PPP1R15B: variants seen among roughly 807,000 people sequenced by gnomAD.
PPP1R15B encodes the protein protein phosphatase 1 regulatory subunit 15B, also known as protein phosphatase 1, regulatory (inhibitor) subunit 15B.
PPP1R15B carries 31 observed loss-of-function variants against 53.9 expected under a neutral mutation model. The observed-to-expected ratio is 0.58, with a 90% CI of 0.43 to 0.78. The LOEUF (loss-of-function observed/expected upper bound fraction) is 0.78, where lower values mean the gene tolerates loss of function less well. PPP1R15B is among the 30% of genes least tolerant of loss of function. The probability of loss-of-function intolerance (pLI) is 0.00; values close to 1 mark genes in which losing one functional copy is unlikely to be tolerated. For synonymous variants in PPP1R15B, 345 were observed against 329.1 expected (o/e 1.05, Z -0.52); for missense variants, 928 against 849.6 (o/e 1.09, Z -1.15).
rs1674232204 is a variant in PPP1R15B, at chr1:204,404,513, A to G, written c.*1579T>C. The G allele has an allele frequency of 2.0e-6, 2 of 985,164 alleles. No homozygotes were observed. Among genetic ancestry groups the G allele is most frequent in the Non-Finnish European group, 2.4e-6 (2 of 829,420 alleles). The allele number at this position is 985,164 out of a possible 1,614,324, so 61.0% of individuals were successfully genotyped here. On this transcript the variant is annotated 3_prime_UTR_variant, in exon 2 of 2. Coordinates refer to ENST00000367188, the MANE Select transcript of PPP1R15B (RefSeq NM_032833.5). ...AAAAAAAGAAAAAAACAAAAAACACACAGAATAAGGGCTCTGCAAAAATTT... is the reference window on the plus strand; with the variant it reads ...AAAAAAAGAAAAAAACAAAAAACACGCAGAATAAGGGCTCTGCAAAAATTT...
chr1:204,409,470 T>C (rs775387468), intron 1 of PPP1R15B, 22 bp downstream of exon 1: 4 of 1,590,542 alleles, frequency 2.5e-6, no homozygotes, highest in Non-Finnish European at 3.4e-6. Context: ...ATATCAGGCA[T>C]GTTAAAAGAC....
downstream of PPP1R15B, among the ~76,000 whole-genome samples, chr1:204,396,645 C>T (rs1051518669): frequency 1.3e-5 from 2 of 151,788 alleles, no homozygotes; most frequent in Non-Finnish European, 2.9e-5. Context: ...CATAAGGGAA[C>T]TTTCTGGGTG....
chr1:204,400,211 C>T (rs372006482), downstream of PPP1R15B, among the ~76,000 whole-genome samples: 3 of 146,106 alleles, frequency 2.1e-5, no homozygotes, highest in Non-Finnish European at 4.5e-5. Flanking sequence ...TACTTCAGAG[C>T]CTGGGTGACA....
rs1484883954 is a variant in PPP1R15B at position 204,406,049 on chromosome 1, G to A, written c.*43C>T. ...ATTTGTTTTTAAAAGACACCTCTCA[G>A]GTAAGAGGTAGTGTATGCTAGCTAG... On this transcript the variant is annotated 3_prime_UTR_variant, in exon 2 of 2. Transcript: ENST00000367188. 3 of 1,597,396 alleles carry A rather than the reference G, an allele frequency of 1.9e-6. No individual in the cohort carries two copies. The highest frequency in any genetic ancestry group is 2.6e-6 in the Non-Finnish European group (3 of 1,168,938).
chr1:204,402,681 C>T (rs917289421), downstream of PPP1R15B, among the ~76,000 whole-genome samples: 1 of 151,940 alleles, frequency 6.6e-6, no homozygotes, highest in African/African-American at 2.4e-5. Context: ...CTCAGCCTCC[C>T]GAAGTGCTGG....
downstream of PPP1R15B, among the ~76,000 whole-genome samples, chr1:204,399,740 T>A (rs959618246): frequency 3.3e-5 from 5 of 151,898 alleles, no homozygotes; most frequent in South Asian, 1.0e-3. Context: ...AGAGTGAACA[T>A]AATTTTAAAA....
At chr1:204,409,083 C>T (rs1572255707) in intron 1 of PPP1R15B, among the ~76,000 whole-genome samples, 1 of 152,156 alleles carries the variant, frequency 6.6e-6, no homozygotes, top group East Asian at 1.9e-4. Context: ...TATTTGCAGA[C>T]AACATACATT....
At chr1:204,409,342 T>A in intron 1 of PPP1R15B, 150 bp downstream of exon 1, 1 of 832,284 alleles carries the variant, frequency 1.2e-6, no homozygotes, top group South Asian at 1.8e-5. Context: ...AGGAGAAGGG[T>A]CATTTACATA....
In PPP1R15B at chr1:204,409,877, T is replaced by C. The variant is rs1674332043; in HGVS notation, c.1535A>G (p.Lys512Arg). The change falls in exon 1 of 2, where the codon AAG becomes AGG. Residue 512 changes from lysine (K) to arginine (R), a missense_variant. By Grantham distance (26) the Lys-to-Arg change is conservative. Transcript: ENST00000367188. ...IVPEEPSDSE[K>R]DLSGKSDLEN... ...TAGATCAGACTTGCCAGACAAATCCTTCTCTGAATCAGAAGGCTCTTCAGG... is the reference window on the plus strand; with the variant it reads ...TAGATCAGACTTGCCAGACAAATCCCTCTCTGAATCAGAAGGCTCTTCAGG... 1 of 1,614,002 alleles carries C rather than the reference T, an allele frequency of 6.2e-7. No individual in the cohort carries two copies. The highest frequency in any genetic ancestry group is 8.5e-7 in the Non-Finnish European group (1 of 1,180,006).
downstream of PPP1R15B, among the ~76,000 whole-genome samples, chr1:204,396,621 C>T (rs7530308): frequency 0.16 from 24,666 of 151,048 alleles, 2,866 homozygotes; most frequent in African/African-American, 0.33. Context: ...GGAAGGGGAC[C>T]GAATACAAAA....
downstream of PPP1R15B, chr1:204,400,624 C>G (rs1674165877): frequency 2.3e-6 from 1 of 428,052 alleles, no homozygotes; most frequent in Admixed American, 6.4e-5. Flanking sequence ...CCACCCCTGG[C>G]CAATCCAATC....
At chr1:204,399,857 G>A (rs188876540), downstream of PPP1R15B, among the ~76,000 whole-genome samples, 174 of 152,186 alleles carry the variant, frequency 1.1e-3, no homozygotes, top group African/African-American at 3.8e-3. Flanking sequence ...GATAAAATGC[G>A]GTCTTAAAAA....
At chr1:204,400,382 G>T (rs1396051571), downstream of PPP1R15B, among the ~76,000 whole-genome samples, 1 of 149,640 alleles carries the variant, frequency 6.7e-6, no homozygotes, top group African/African-American at 2.5e-5. Context: ...GTCTCACTTT[G>T]TCGTGCAGGC....
rs1314912358 is a variant in PPP1R15B at position 204,405,875 on chromosome 1, A to AT, written c.*216dup. The AT allele has an allele frequency of 8.4e-6, 11 of 1,313,658 alleles. No homozygotes were observed. The East Asian group carries it at 3.3e-4, about 39-fold the overall frequency. 81.4% of individuals were successfully genotyped at this position (1,313,658 alleles called of 1,614,324 possible). ...ATCCAACTAAATCAAAAAAGGGAGG[A>AT]TTAGAAATCACACTAGTTCATCCTT... is the stretch of plus-strand genomic sequence containing the variant. On this transcript the variant is annotated 3_prime_UTR_variant, in exon 2 of 2. Coordinates refer to ENST00000367188, the MANE Select transcript of PPP1R15B (RefSeq NM_032833.5).
Position 204,410,862 on chromosome 1 carries a change from C to T in PPP1R15B, c.550G>A (p.Glu184Lys), listed in dbSNP as rs760425341. Residue 184 changes from glutamate to lysine, a missense_variant, in exon 1 of 2, where the codon GAG becomes AAG. Physicochemically the swap from Glu to Lys is moderately conservative, Grantham distance 56. Coordinates refer to ENST00000367188, the MANE Select transcript of PPP1R15B (RefSeq NM_032833.5). ...FLLEQQLWGV[E>K]LLPSSLQSRL... ...GATTGAAGGCTACTGGGCAACAGCT[C>T]CACTCCCCACAGCTGCTGCTCTAAG... 2.5e-6 allele frequency: 4 copies of T among 1,614,176 alleles called. No individual in the cohort carries two copies. The highest frequency in any genetic ancestry group is 2.5e-6 in the Non-Finnish European group (3 of 1,180,026).
In PPP1R15B at chr1:204,405,476, G is replaced by A. The variant is rs530369513; in HGVS notation, c.*616C>T. 8.1e-6 allele frequency: 8 copies of A among 983,178 alleles called. No individual in the cohort carries two copies. Among genetic ancestry groups the A allele is most frequent in the African/African-American group, 1.7e-5 (1 of 57,190 alleles). 60.9% of individuals were successfully genotyped at this position (983,178 alleles called of 1,614,324 possible). ...GGAAATATCCTAGGTAGAACTTAAT[G>A]TAGAAATAAAAAGGCTACCACATAT... On this transcript the variant is annotated 3_prime_UTR_variant, in exon 2 of 2. Transcript: ENST00000367188.
Position 204,411,466 on chromosome 1 carries a change from T to A in PPP1R15B, c.-55A>T. On this transcript the variant is annotated 5_prime_UTR_variant, in exon 1 of 2. Transcript: ENST00000367188. ...GGCCGCGGCGCTCAGCGGCTGGAGGTCGACGGGATTCGGAGGAAGCCTACA... is the reference window on the plus strand; with the variant it reads ...GGCCGCGGCGCTCAGCGGCTGGAGGACGACGGGATTCGGAGGAAGCCTACA... 6.4e-7 allele frequency: 1 copy of A among 1,563,942 alleles called. No individual in the cohort carries two copies. The highest frequency in any genetic ancestry group is 8.6e-7 in the Non-Finnish European group (1 of 1,161,938).
downstream of PPP1R15B, among the ~76,000 whole-genome samples, chr1:204,401,133 C>T (rs1342569163): frequency 6.6e-6 from 1 of 152,260 alleles, no homozygotes; most frequent in East Asian, 1.9e-4. Context: ...ACTGCCTTCT[C>T]CGTTCCATGT....
downstream of PPP1R15B, among the ~76,000 whole-genome samples, chr1:204,397,834 G>A (rs1453542870): frequency 2.6e-5 from 4 of 151,030 alleles, no homozygotes; most frequent in Non-Finnish European, 4.4e-5. Flanking sequence ...TAGTCATGAC[G>A]ACCTTACATC....
Sources: allele counts gnomAD v4.1 joint callset (sites outside exome capture counted in the v4.1 genomes callset), GRCh38; gene constraint gnomAD v4.1.1; transcripts MANE v1.5; gene names NCBI Gene and HGNC (gene_info 2026-07-23, HGNC 2026-07-21).